Variants in MIER1 observed in about 807,000 individuals in gnomAD.
The protein encoded by MIER1 is mesoderm induction early response protein 1.
In MIER1, 40 loss-of-function variants were observed where a neutral mutation model predicts 75.7. That is an observed-to-expected ratio of 0.53 (90% CI 0.41 to 0.69). The LOEUF is 0.69. MIER1 is among the 30% of genes least tolerant of loss of function. The pLI is 0.00. For missense variants in MIER1, 574 were observed against 680.2 expected (o/e 0.84, Z 1.74); for synonymous variants, 213 against 223.4 (o/e 0.95, Z 0.42).
chr1:66,973,956 C>T (rs1664188806), intron 11 of MIER1, among the ~76,000 whole-genome samples: 1 of 152,030 alleles, frequency 6.6e-6, no homozygotes, highest in Non-Finnish European at 1.5e-5. Flanking sequence ...TCTTTTTATA[C>T]ATTTGGATGT....
intron 8 of MIER1, among the ~76,000 whole-genome samples, chr1:66,970,048 T>C (rs1249777888): frequency 6.6e-6 from 1 of 152,234 alleles, no homozygotes; most frequent in Admixed American, 6.5e-5. Context: ...TGGTATTTCT[T>C]CTGTTTGTGA....
intron 12 of MIER1, among the ~76,000 whole-genome samples, chr1:66,981,454 A>G (rs554025280): frequency 1.3e-5 from 2 of 152,324 alleles, no homozygotes; most frequent in Non-Finnish European, 2.9e-5. Context: ...TTTACTAGAC[A>G]TCACCCCTAT....
intron 2 of MIER1, among the ~76,000 whole-genome samples, chr1:66,934,099 C>CA (rs1553239661): frequency 6.6e-6 from 1 of 151,858 alleles, no homozygotes; most frequent in Non-Finnish European, 1.5e-5. Context: ...AGTAGCACCC[C>CA]AAAAAATTGT....
At chr1:66,969,432 C>G (rs911192158) in intron 8 of MIER1, among the ~76,000 whole-genome samples, 28 of 150,890 alleles carry the variant, frequency 1.9e-4, no homozygotes, top group Admixed American at 1.8e-3. Context: ...GTAGTCCCAG[C>G]TACTCTGGAG....
intron 3 of MIER1, among the ~76,000 whole-genome samples, chr1:66,943,417 GTGTT>G (rs1429024188): frequency 6.6e-6 from 1 of 152,138 alleles, no homozygotes; most frequent in East Asian, 1.9e-4. Flanking sequence ...ACTTTGATAA[GTGTT>G]AATAACTCAT....
intron 3 of MIER1, among the ~76,000 whole-genome samples, chr1:66,940,505 TG>T (rs1570164445): frequency 1.3e-5 from 2 of 152,152 alleles, no homozygotes; most frequent in East Asian, 3.8e-4. Context: ...GAATATTTAA[TG>T]TAAATAAGGA....
intron 10 of MIER1, 133 bp downstream of exon 10, chr1:66,971,869 G>C (rs775471972): frequency 5.9e-6 from 3 of 506,822 alleles, no homozygotes; most frequent in Non-Finnish European, 1.1e-5. Flanking sequence ...AAAATACCAA[G>C]TATTACTAAA....
chr1:66,985,520 A>T lies in MIER1; in HGVS notation c.*620A>T. On this transcript the variant is annotated 3_prime_UTR_variant, in exon 14 of 14. Transcript: ENST00000401041. ...GTTGACATCAATGATGTCTTTCCATATTCTTATCTGGGCTTAAGAAATACA... is the reference window on the plus strand; with the variant it reads ...GTTGACATCAATGATGTCTTTCCATTTTCTTATCTGGGCTTAAGAAATACA... The T allele has an allele frequency of 3.0e-6, 3 of 984,626 alleles. No individual in the cohort carries two copies. Among genetic ancestry groups the T allele is most frequent in the Non-Finnish European group, 3.6e-6 (3 of 829,126 alleles). 61.0% of individuals were successfully genotyped at this position (984,626 alleles called of 1,614,324 possible).
rs1282603372 is a variant in MIER1, at chr1:66,976,579, C to T, written c.1102-16C>T. ...TAAAAAGGAGATTCTTAAAAGCAAG[C>T]ATTTGTTTCTTACAGGTCCGAACAA... is the stretch of plus-strand genomic sequence containing the variant. On this transcript the variant is annotated splice_polypyrimidine_tract_variant and intron_variant, in intron 11 of 13. Transcript: ENST00000401041. 6 of 1,543,712 alleles carry T rather than the reference C, an allele frequency of 3.9e-6. No individual in the cohort carries two copies. The highest frequency in any genetic ancestry group is 5.2e-6 in the Non-Finnish European group (6 of 1,146,666).
intron 12 of MIER1, among the ~76,000 whole-genome samples, chr1:66,977,626 C>G (rs1482344902): frequency 2.6e-5 from 4 of 152,146 alleles, no homozygotes; most frequent in East Asian, 3.9e-4. Flanking sequence ...TTGTCTACAC[C>G]TCATTCAGTC....
intron 4 of MIER1, chr1:66,948,256 T>A: frequency 1.1e-6 from 1 of 923,012 alleles, no homozygotes; most frequent in Non-Finnish European, 1.3e-6. Flanking sequence ...TTTCCTGTAC[T>A]CCATGATAAA....
intron 2 of MIER1, among the ~76,000 whole-genome samples, chr1:66,936,443 G>A (rs1286229496): frequency 6.6e-6 from 1 of 151,910 alleles, no homozygotes; most frequent in Non-Finnish European, 1.5e-5. Context: ...ATGTTGGCCA[G>A]GCTGGTCTCG....
chr1:66,933,814 T>TGGGAGAAACAAGTGAATTACTTTA (rs1654023985), intron 2 of MIER1, among the ~76,000 whole-genome samples: 1 of 152,190 alleles, frequency 6.6e-6, no homozygotes, highest in Non-Finnish European at 1.5e-5. Flanking sequence ...AAAGGTTTGG[T>TGGGAGAAACAAGTGAATTACTTTA]GGGAGAAACA....
At chr1:66,928,866 T>A (rs752864454) in intron 2 of MIER1, 1 of 1,558,614 alleles carries the variant, frequency 6.4e-7, no homozygotes, top group African/African-American at 1.4e-5. Flanking sequence ...CTTTCTCTTC[T>A]TTCCCTTGCT....
At chr1:66,959,802 C>T (rs547695056) in intron 7 of MIER1, 59 bp downstream of exon 7, 14 of 774,310 alleles carry the variant, frequency 1.8e-5, no homozygotes, top group African/African-American at 1.1e-4. Flanking sequence ...TAAAAAGCCT[C>T]GTGTAATTAT....
intron 8 of MIER1, among the ~76,000 whole-genome samples, chr1:66,967,494 A>G (rs554044368): frequency 4.7e-4 from 72 of 152,262 alleles, no homozygotes; most frequent in Admixed American, 2.4e-3. Flanking sequence ...TTGTGGTTCC[A>G]TATAAATTTT....
At chr1:66,964,538 C>T (rs1257415445) in intron 8 of MIER1, among the ~76,000 whole-genome samples, 5 of 148,510 alleles carry the variant, frequency 3.4e-5, no homozygotes, top group Non-Finnish European at 5.9e-5. Context: ...CTGCAACTTT[C>T]GCCTCTCAGG....
rs761732224 is a variant in MIER1 at position 66,984,837 on chromosome 1, T to G, written c.1635T>G (p.Ser545=). 1.9e-6 allele frequency: 3 copies of G among 1,609,644 alleles called. No homozygotes were observed. In the East Asian group the frequency reaches 6.7e-5, roughly 36 times the overall value. Residue 545 remains serine, a synonymous_variant, in exon 14 of 14, where the codon TCT becomes TCG. Coordinates refer to ENST00000401041, the MANE Select transcript of MIER1 (RefSeq NM_001077700.3). ...NSNGKESPGS[S]EFFQEAVSHG... Reference sequence around the variant, plus strand: ...ATGGAAAAGAAAGTCCAGGTTCTTCTGAATTTTTCCAAGAAGCAGTCTCAC... The same window carrying G: ...ATGGAAAAGAAAGTCCAGGTTCTTCGGAATTTTTCCAAGAAGCAGTCTCAC...
rs1209854730 is a variant in MIER1, at chr1:66,988,156, C to G, written c.*3256C>G. On this transcript the variant is annotated 3_prime_UTR_variant, in exon 14 of 14. Coordinates refer to ENST00000401041, the MANE Select transcript of MIER1 (RefSeq NM_001077700.3). Reference sequence around the variant, plus strand: ...ACCAAATCAGATAGTAAGGTTTTCCCAACTATAATCCATATTCATGAAAAA... The same window carrying G: ...ACCAAATCAGATAGTAAGGTTTTCCGAACTATAATCCATATTCATGAAAAA... 1 of 152,068 alleles carries G rather than the reference C, an allele frequency of 6.6e-6. No homozygotes were observed. The highest frequency in any genetic ancestry group is 1.5e-5 in the Non-Finnish European group (1 of 67,986). 9.4% of individuals were successfully genotyped at this position (152,068 alleles called of 1,614,324 possible).
Sources: gnomAD v4.1 joint callset for allele counts (sites outside exome capture counted in the v4.1 genomes callset) on GRCh38, gnomAD v4.1.1 for gene constraint, MANE v1.5 for transcripts, NCBI Gene and HGNC (gene_info 2026-07-23, HGNC 2026-07-21) for gene names.